PLD5: variants seen among roughly 807,000 people sequenced by gnomAD.
The protein encoded by PLD5 is inactive phospholipase D5.
PLD5 carries 36 observed loss-of-function variants against 61.1 expected under a neutral mutation model. The ratio of observed to expected loss-of-function variants is 0.59; its 90% CI spans 0.45 to 0.78. PLD5 has a LOEUF of 0.78. Among genes scored for constraint, PLD5 ranks in the 30% least tolerant of loss-of-function variants. The probability of loss-of-function intolerance (pLI) is 0.00; values close to 1 mark genes in which losing one functional copy is unlikely to be tolerated. For synonymous variants in PLD5, 243 were observed against 242.8 expected (o/e 1.00, Z -0.01); for missense variants, 515 against 644.4 (o/e 0.80, Z 2.17).
At chr1:242,527,100 G>C (rs1326007146), upstream of PLD5, among the ~76,000 whole-genome samples, 2 of 135,338 alleles carry the variant, frequency 1.5e-5, no homozygotes, top group East Asian at 4.3e-4. Flanking sequence ...TGCAGTAGTT[G>C]CTACTATCTC....
chr1:242,176,096 A>C (rs540915667), intron 5 of PLD5, among the ~76,000 whole-genome samples: 81 of 152,356 alleles, frequency 5.3e-4, no homozygotes, highest in African/African-American at 1.9e-3. Flanking sequence ...TTTAAAGTTC[A>C]TATGGAACCA....
At chr1:242,385,971 G>C (rs904516990) in intron 1 of PLD5, among the ~76,000 whole-genome samples, 1 of 152,116 alleles carries the variant, frequency 6.6e-6, no homozygotes, top group Non-Finnish European at 1.5e-5. Context: ...GAAGTTCAGG[G>C]ACCAAGGCAT....
intron 4 of PLD5, among the ~76,000 whole-genome samples, chr1:242,251,119 A>G (rs1354337438): frequency 6.6e-6 from 1 of 152,196 alleles, no homozygotes; most frequent in Non-Finnish European, 1.5e-5. Flanking sequence ...ATTTTGAGGT[A>G]TTCCGTGAAT....
Position 242,114,005 on chromosome 1 carries a change from G to A in PLD5, c.955C>T (p.Pro319Ser). 1 of 1,613,094 alleles carries A rather than the reference G, an allele frequency of 6.2e-7. No individual in the cohort carries two copies. Among genetic ancestry groups the A allele is most frequent in the Non-Finnish European group, 8.5e-7 (1 of 1,179,522 alleles). ...FVSNSPKLFC[P>S]KNRSFDIDAI... ...TCTATGTCAAAACTTCTGTTTTTAGGGCAAAAGAGTTTTGGAGAATTCTGT... is the reference window on the plus strand; with the variant it reads ...TCTATGTCAAAACTTCTGTTTTTAGAGCAAAAGAGTTTTGGAGAATTCTGT... The change falls in exon 7 of 10, where the codon CCT (proline) becomes TCT (serine). Residue 319 changes from proline (P) to serine (S), a missense_variant. Physicochemically the swap from Pro to Ser is moderately conservative, Grantham distance 74. This residue lies in a region of PLD5 where 450 missense variants were observed against 598.1 expected (regional missense o/e 0.75). Transcript: ENST00000536534.
Position 242,437,271 on chromosome 1 carries a change from A to G in PLD5, c.189+86817T>C, listed in dbSNP as rs184591204. On this transcript the variant is annotated intron_variant, in intron 1 of 9. Transcript: ENST00000536534. ...TCGGTATTATATTGGCATGTCCCACACATGCCTCTCTTTAGGGCCTACAAA... is the reference window on the plus strand; with the variant it reads ...TCGGTATTATATTGGCATGTCCCACGCATGCCTCTCTTTAGGGCCTACAAA... 5.9e-5 allele frequency among the ~76,000 whole-genome samples: 9 copies of G among 152,310 alleles called. No individual in the cohort carries two copies. In the East Asian group the frequency reaches 1.7e-3, roughly 29 times the overall value.
At chr1:242,462,140 T>C (rs967117742) in intron 1 of PLD5, among the ~76,000 whole-genome samples, 2 of 152,204 alleles carry the variant, frequency 1.3e-5, no homozygotes, top group African/African-American at 4.8e-5. Flanking sequence ...CCAAAAATTC[T>C]TTGCCAAGAC....
At chr1:242,502,998 T>C (rs1668606166) in intron 1 of PLD5, among the ~76,000 whole-genome samples, 1 of 151,936 alleles carries the variant, frequency 6.6e-6, no homozygotes, top group South Asian at 2.1e-4. Context: ...GAGGCAGAGG[T>C]TGCAGTGAGC....
chr1:242,417,758 A>C (rs1400693968), intron 1 of PLD5, among the ~76,000 whole-genome samples: 2 of 152,190 alleles, frequency 1.3e-5, no homozygotes, highest in Non-Finnish European at 2.9e-5. Flanking sequence ...TTTTTGTGGA[A>C]GAAAGAGGCC....
rs1558524268 is a variant in PLD5, at chr1:242,393,607, CATATATGTGTATATATATGAGTAT to C, written c.190-45389_190-45366del. 2.2e-4 allele frequency among the ~76,000 whole-genome samples: 9 copies of C among 40,466 alleles called. 1 individual carries two copies. The South Asian group carries it at 4.5e-3, about 20-fold the overall frequency. 26.5% of individuals were successfully genotyped at this position (40,466 alleles called of 152,430 possible). ...GTATACATATGTGTATATATATGAG[CATATATGTGTATATATATGAGTAT>C]ATATATGTGTATATATATGAGTATA... On this transcript the variant is annotated intron_variant, in intron 1 of 9. Coordinates refer to ENST00000536534, the MANE Select transcript of PLD5 (RefSeq NM_001372062.1).
intron 5 of PLD5, among the ~76,000 whole-genome samples, chr1:242,134,235 A>C (rs1039196869): frequency 6.6e-6 from 1 of 152,224 alleles, no homozygotes; most frequent in Non-Finnish European, 1.5e-5. Context: ...AAGAGATGAA[A>C]TAATAGGTAG....
chr1:242,276,429 C>CATTTGTATATAT (rs1674414617), intron 3 of PLD5, among the ~76,000 whole-genome samples: 3 of 36,268 alleles, frequency 8.3e-5, no homozygotes, highest in Admixed American at 3.9e-4. Context: ...TGTATATATA[C>CATTTGTATATAT]ACAAATTATA....
Position 242,166,071 on chromosome 1 carries a change from T to C in PLD5, c.736-41406A>G, listed in dbSNP as rs1481069313. 7.9e-5 allele frequency among the ~76,000 whole-genome samples: 12 copies of C among 152,118 alleles called. No homozygotes were observed. The East Asian group carries it at 2.3e-3, about 29-fold the overall frequency. The stretch of plus-strand genomic sequence containing the variant: ...TTGAACTTGCTTCCTGTTGTGGTGG[T>C]GTATTGAATTTGCACCATCTGAAGA... On this transcript the variant is annotated intron_variant, in intron 5 of 9. Transcript: ENST00000536534.
intron 1 of PLD5, among the ~76,000 whole-genome samples, chr1:242,469,333 G>A (rs1667370598): frequency 6.6e-6 from 1 of 152,118 alleles, no homozygotes; most frequent in South Asian, 2.1e-4. Flanking sequence ...TTTTTGATAA[G>A]CTGATAGACA....
intron 1 of PLD5, among the ~76,000 whole-genome samples, chr1:242,453,920 A>C (rs1332432441): frequency 1.3e-5 from 2 of 151,736 alleles, no homozygotes; most frequent in Non-Finnish European, 2.9e-5. Context: ...AGCCTCACCC[A>C]CTCCTTCTCA....
chr1:242,480,386 G>A (rs544197387), intron 1 of PLD5, among the ~76,000 whole-genome samples: 7 of 152,090 alleles, frequency 4.6e-5, no homozygotes, highest in Non-Finnish European at 8.8e-5. Context: ...TTCAATCGAA[G>A]AGCTAAAATT....
At chr1:242,107,568 G>C in intron 8 of PLD5, 103 bp downstream of exon 8, 1 of 1,129,780 alleles carries the variant, frequency 8.9e-7, no homozygotes, top group African/African-American at 1.6e-5. Context: ...TTGCCGTCCT[G>C]GTTCTTACTG....
At chr1:242,405,921 TA>T (rs34033626) in intron 1 of PLD5, among the ~76,000 whole-genome samples, 6,122 of 151,346 alleles carry the variant, frequency 0.04, 432 homozygotes, top group African/African-American at 0.14. Flanking sequence ...ACTTTTGACC[TA>T]AAAAAAAATC....
In PLD5 at chr1:242,187,103, C is replaced by T. The variant is rs370508069; in HGVS notation, c.735+32885G>A. On this transcript the variant is annotated intron_variant, in intron 5 of 9. Coordinates refer to ENST00000536534, the MANE Select transcript of PLD5 (RefSeq NM_001372062.1). Reference sequence around the variant, plus strand: ...GTTGATCCAGCATCTGGCCACAACCCCTTCTCTCTAGCCAGAGACGGTCAG... The same window carrying T: ...GTTGATCCAGCATCTGGCCACAACCTCTTCTCTCTAGCCAGAGACGGTCAG... 7.9e-5 allele frequency among the ~76,000 whole-genome samples: 12 copies of T among 152,294 alleles called. No individual in the cohort carries two copies. The East Asian group carries it at 2.1e-3, about 27-fold the overall frequency.
chr1:242,368,269 C>T (rs889702596), intron 1 of PLD5, among the ~76,000 whole-genome samples: 1 of 152,120 alleles, frequency 6.6e-6, no homozygotes, highest in East Asian at 1.9e-4. Flanking sequence ...TCCTTCATTC[C>T]CCTTCATCAG....
Sources: allele counts gnomAD v4.1 joint callset (sites outside exome capture counted in the v4.1 genomes callset), GRCh38; gene constraint gnomAD v4.1.1; regional missense constraint gnomAD v4.1.1; transcripts MANE v1.5; gene names NCBI Gene and HGNC (gene_info 2026-07-23, HGNC 2026-07-21).